The following STXBP5L variants were observed in gnomAD, a reference collection of about 807,000 sequenced individuals.
STXBP5L encodes the protein syntaxin binding protein 5L, also known as syntaxin-binding protein 5-like.
STXBP5L carries 65 observed loss-of-function variants against 144.5 expected under a neutral mutation model. That is an observed-to-expected ratio of 0.45 (90% confidence interval 0.37 to 0.55). STXBP5L has a LOEUF of 0.55. Among genes scored for constraint, STXBP5L ranks in the 20% least tolerant of loss-of-function variants. The pLI is 0.00. For missense variants in STXBP5L, 1,298 were observed against 1,405.5 expected (o/e 0.92, Z 1.22); for synonymous variants, 505 against 469.6 (o/e 1.08, Z -0.97).
At chr3:121,352,891 A>C (rs2045350872) in intron 20 of STXBP5L, among the ~76,000 whole-genome samples, 1 of 152,184 alleles carries the variant, frequency 6.6e-6, no homozygotes. Flanking sequence ...CTTAGCATGA[A>C]GGGCTGTTGA....
chr3:121,115,568 T>G (rs1352049448), intron 6 of STXBP5L, among the ~76,000 whole-genome samples: 1 of 152,212 alleles, frequency 6.6e-6, no homozygotes, highest in Non-Finnish European at 1.5e-5. Flanking sequence ...TTTAAGTTTC[T>G]GTACATGTGA....
chr3:121,061,966 T>G (rs573336127), intron 5 of STXBP5L, among the ~76,000 whole-genome samples: 1 of 152,312 alleles, frequency 6.6e-6, no homozygotes, highest in South Asian at 2.1e-4. Context: ...CTGTTTACAA[T>G]TAAGGTTAAT....
chr3:120,960,543 A>C (rs889580047), intron 3 of STXBP5L, among the ~76,000 whole-genome samples: 1 of 152,232 alleles, frequency 6.6e-6, no homozygotes, highest in Non-Finnish European at 1.5e-5. Context: ...GATTAAGAAA[A>C]TATGACACAT....
chr3:121,383,563 A>T lies in STXBP5L; in HGVS notation c.2587+2031A>T, dbSNP rs1375017747. On this transcript the variant is annotated intron_variant, in intron 22 of 26. Transcript: ENST00000471454. ...AAAAATACACTCTATTAATTTGTTG[A>T]ATAAAGATGTATATAAAGGAGAAAG... Among the ~76,000 whole-genome samples the T allele has an allele frequency of 2.0e-5, 3 of 152,130 alleles. No homozygotes were observed. In the East Asian group the frequency reaches 5.8e-4, roughly 29 times the overall value.
intron 3 of STXBP5L, among the ~76,000 whole-genome samples, chr3:120,960,881 C>T (rs1938708422): frequency 1.3e-5 from 2 of 151,770 alleles, no homozygotes; most frequent in South Asian, 4.2e-4. Flanking sequence ...GCACGTTGTG[C>T]ACATGTACCC....
At chr3:121,416,092 C>A in intron 25 of STXBP5L, 124 bp downstream of exon 25, 2 of 708,584 alleles carry the variant, frequency 2.8e-6, no homozygotes, top group Non-Finnish European at 4.6e-6. Context: ...TTTTTTGCAT[C>A]TATCTTAAAG....
intron 5 of STXBP5L, among the ~76,000 whole-genome samples, chr3:121,070,676 C>T (rs1009769878): frequency 2.0e-5 from 3 of 152,048 alleles, no homozygotes; most frequent in Admixed American, 6.6e-5. Context: ...CAGACATACC[C>T]CACGACCCGA....
intron 5 of STXBP5L, among the ~76,000 whole-genome samples, chr3:121,051,446 T>A (rs1947985160): frequency 6.6e-6 from 1 of 151,980 alleles, no homozygotes; most frequent in Non-Finnish European, 1.5e-5. Flanking sequence ...TCAAAACCGC[T>A]CAACTACATG....
At position 121,230,186 on chromosome 3, in the gene STXBP5L, TTATC is replaced by T. The variant is rs144120393; in HGVS notation, c.1112-3426_1112-3423del. On this transcript the variant is annotated intron_variant, in intron 11 of 26. Coordinates refer to ENST00000471454, the MANE Select transcript of STXBP5L (RefSeq NM_001308330.2). ...CAAACTAGTCATCATTCCAAATTATTTATCTATTACTTATTTTATACAACTGCAT... is the reference window on the plus strand; with the variant it reads ...CAAACTAGTCATCATTCCAAATTATTTATTACTTATTTTATACAACTGCAT... 4.8e-3 allele frequency among the ~76,000 whole-genome samples: 732 copies of T among 152,330 alleles called. 10 individuals carry two copies. Among genetic ancestry groups the T allele is most frequent in the African/African-American group, 0.016 (674 of 41,582 alleles).
At chr3:121,068,236 T>C (rs2041640379) in intron 5 of STXBP5L, among the ~76,000 whole-genome samples, 1 of 152,120 alleles carries the variant, frequency 6.6e-6, no homozygotes, top group South Asian at 2.1e-4. Context: ...TCTCAATCTC[T>C]TGACCTTGAG....
At chr3:121,376,106 G>A (rs2046176614) in intron 20 of STXBP5L, among the ~76,000 whole-genome samples, 1 of 152,092 alleles carries the variant, frequency 6.6e-6, no homozygotes, top group Non-Finnish European at 1.5e-5. Context: ...CTTTTGTTCT[G>A]AGTTTACTGT....
chr3:121,331,092 G>A (rs1399283761), intron 20 of STXBP5L, among the ~76,000 whole-genome samples: 7 of 152,184 alleles, frequency 4.6e-5, no homozygotes, highest in Middle Eastern at 3.2e-3. Flanking sequence ...GGACTCCTGC[G>A]GCTAGGGGAA....
chr3:121,054,733 G>A lies in STXBP5L; in HGVS notation c.470+9198G>A, dbSNP rs576171506. 1.3e-3 allele frequency among the ~76,000 whole-genome samples: 193 copies of A among 152,048 alleles called. 1 individual carries two copies. The highest frequency in any genetic ancestry group is 2.4e-3 in the Admixed American group (37 of 15,260). The stretch of plus-strand genomic sequence containing the variant: ...GTGCACATGTACCGTAAAACTTAAA[G>A]TATAATAATAATAAAATTTTAAAAA... On this transcript the variant is annotated intron_variant, in intron 5 of 26. Coordinates refer to ENST00000471454, the MANE Select transcript of STXBP5L (RefSeq NM_001308330.2).
chr3:121,380,753 T>C (rs2046304963), intron 21 of STXBP5L, among the ~76,000 whole-genome samples: 2 of 152,078 alleles, frequency 1.3e-5, no homozygotes, highest in South Asian at 4.2e-4. Flanking sequence ...AAATTTGCAT[T>C]TTGGCCTTGG....
rs550854097 is a variant in STXBP5L at position 121,310,310 on chromosome 3, T to C, written c.2111-8165T>C. Among the ~76,000 whole-genome samples, 5 of 152,364 alleles carry C rather than the reference T, an allele frequency of 3.3e-5. No homozygotes were observed. In the East Asian group the frequency reaches 9.6e-4, roughly 29 times the overall value. On this transcript the variant is annotated intron_variant, in intron 19 of 26. Coordinates refer to ENST00000471454, the MANE Select transcript of STXBP5L (RefSeq NM_001308330.2). Reference sequence around the variant, plus strand: ...TAAATTTCTGCTCATCAAAAGGCACTATTAAGAGGCCAGGCATGGGCTGGG... The same window carrying C: ...TAAATTTCTGCTCATCAAAAGGCACCATTAAGAGGCCAGGCATGGGCTGGG...
chr3:121,230,107 A>G (rs907561156), intron 11 of STXBP5L, among the ~76,000 whole-genome samples: 2 of 152,126 alleles, frequency 1.3e-5, no homozygotes, highest in African/African-American at 4.8e-5. Context: ...ATTTACCTTT[A>G]TTTATTTATT....
At chr3:121,184,733 C>T (rs920638060) in intron 9 of STXBP5L, among the ~76,000 whole-genome samples, 1 of 151,930 alleles carries the variant, frequency 6.6e-6, no homozygotes, top group East Asian at 1.9e-4. Context: ...AGATACTCCT[C>T]GAGAAAAGCA....
At chr3:121,418,271 G>A in intron 25 of STXBP5L, 66 bp from the exon 26 acceptor site, 1 of 1,497,536 alleles carries the variant, frequency 6.7e-7, no homozygotes. Flanking sequence ...ACTTTGTCTT[G>A]GTGACAAGCT....
chr3:121,007,618 T>G (rs1254520943), intron 3 of STXBP5L, among the ~76,000 whole-genome samples: 1 of 152,074 alleles, frequency 6.6e-6, no homozygotes. Context: ...AAATCATTAC[T>G]TGACGCAGCA....
Sources: allele counts gnomAD v4.1 joint callset (sites outside exome capture counted in the v4.1 genomes callset), GRCh38; gene constraint gnomAD v4.1.1; transcripts MANE v1.5; gene names NCBI Gene and HGNC (gene_info 2026-07-23, HGNC 2026-07-21).